C14orf39: variants seen among roughly 807,000 people sequenced by gnomAD.
C14orf39 encodes chromosome 14 open reading frame 39.
C14orf39 carries 66 observed loss-of-function variants against 85.6 expected under a neutral mutation model. The ratio of observed to expected loss-of-function variants is 0.77; its 90% CI spans 0.63 to 0.95. The LOEUF is 0.95. Among genes scored for constraint, C14orf39 ranks in the 40% least tolerant of loss-of-function variants. The pLI, the probability that C14orf39 is intolerant of heterozygous loss-of-function variation, is 0.00. For synonymous variants in C14orf39, 242 were observed against 214.0 expected, an observed-to-expected ratio of 1.13 and a Z score of -1.14; for missense variants, 735 against 663.9, an observed-to-expected ratio of 1.11 and a Z score of -1.18.
intron 5 of C14orf39, among the ~76,000 whole-genome samples, chr14:60,476,070 A>G (rs1892362977): frequency 6.6e-6 from 1 of 152,172 alleles, no homozygotes; most frequent in African/African-American, 2.4e-5. Context: ...ATTTCTGAAT[A>G]TTACTAAACT....
intron 1 of C14orf39, among the ~76,000 whole-genome samples, chr14:60,508,106 C>T (rs1040677816): frequency 6.6e-5 from 10 of 152,086 alleles, no homozygotes; most frequent in Non-Finnish European, 1.2e-4. Context: ...CTTTCTGGGC[C>T]CCCGCATTGT....
intron 5 of C14orf39, 24 bp from the exon 6 acceptor site, chr14:60,471,763 G>C (rs1004923058): frequency 1.5e-6 from 2 of 1,363,194 alleles, no homozygotes; most frequent in African/African-American, 2.9e-5. Context: ...AAGAAATGAT[G>C]TTTATATAAC....
chr14:60,472,168 A>C (rs2140124848), intron 5 of C14orf39, among the ~76,000 whole-genome samples: 1 of 152,046 alleles, frequency 6.6e-6, no homozygotes, highest in South Asian at 2.1e-4. Context: ...TACTTCTAAA[A>C]CCATATCTTT....
intron 5 of C14orf39, among the ~76,000 whole-genome samples, chr14:60,476,322 G>C (rs1224840803): frequency 1.3e-5 from 2 of 152,090 alleles, no homozygotes; most frequent in Non-Finnish European, 2.9e-5. Context: ...TAGAAACTCT[G>C]GCAGAGCCTA....
intron 2 of C14orf39, chr14:60,495,848 C>A: frequency 3.4e-6 from 1 of 294,370 alleles, no homozygotes; most frequent in East Asian, 8.0e-5. Flanking sequence ...TTCCTTTTCC[C>A]TTTCTTGGAA....
chr14:60,504,191 T>C (rs897163905), intron 1 of C14orf39, among the ~76,000 whole-genome samples: 3 of 152,360 alleles, frequency 2.0e-5, no homozygotes, highest in South Asian at 2.1e-4. Flanking sequence ...GTCATGTGAC[T>C]GTATTTTTTA....
At chr14:60,452,080 G>A (rs1473219509) in intron 16 of C14orf39, among the ~76,000 whole-genome samples, 2 of 150,830 alleles carry the variant, frequency 1.3e-5, no homozygotes, top group African/African-American at 2.4e-5. Flanking sequence ...CCAGCTACTC[G>A]GGAGGATGAG....
intron 5 of C14orf39, among the ~76,000 whole-genome samples, chr14:60,473,755 G>A (rs1178779185): frequency 6.6e-6 from 1 of 152,048 alleles, no homozygotes; most frequent in Non-Finnish European, 1.5e-5. Context: ...CTGTTCCATT[G>A]GTCTGTATCT....
intron 5 of C14orf39, among the ~76,000 whole-genome samples, chr14:60,472,940 A>G (rs1892173360): frequency 6.6e-6 from 1 of 152,212 alleles, no homozygotes; most frequent in African/African-American, 2.4e-5. Context: ...TGGCTGGGTC[A>G]AACGGTAATT....
chr14:60,515,533 G>C lies in C14orf39; in HGVS notation c.-282C>G, dbSNP rs1893354281. 6.6e-6 allele frequency: 1 copy of C among 151,650 alleles called. No individual in the cohort carries two copies. 9.4% of individuals were successfully genotyped at this position (151,650 alleles called of 1,614,324 possible). A position where few individuals can be genotyped will look rare whatever the true frequency, so the allele number is the denominator to read the frequency against. On this transcript the variant is annotated 5_prime_UTR_variant, in exon 1 of 6. Coordinates refer to the C14orf39 transcript ENST00000556799. The surrounding 1 kb of genome is among the most constrained non-coding windows in gnomAD (Gnocchi z 6.2). The stretch of plus-strand genomic sequence containing the variant: ...CGAGACGGGGTTCAATTTAAACCTA[G>C]GTGGGAGAATGAGCCCACAAGCGCG...
chr14:60,474,377 T>C (rs1892261943), intron 5 of C14orf39, among the ~76,000 whole-genome samples: 1 of 120,750 alleles, frequency 8.3e-6, no homozygotes, highest in South Asian at 2.8e-4. Flanking sequence ...CTTTTCCTAA[T>C]TGAATACCAT....
intron 1 of C14orf39, among the ~76,000 whole-genome samples, chr14:60,505,064 T>C (rs1260868045): frequency 5.3e-5 from 8 of 152,226 alleles, no homozygotes; most frequent in Admixed American, 5.2e-4. Flanking sequence ...CTCTTAAAAT[T>C]AGGTCAATAT....
Position 60,479,260 on chromosome 14 carries a change from T to C in C14orf39, c.234-871A>G, listed in dbSNP as rs1022559214. Among the ~76,000 whole-genome samples, 3 of 152,310 alleles carry C rather than the reference T, an allele frequency of 2.0e-5. No homozygotes were observed. The East Asian group carries it at 5.8e-4, about 29-fold the overall frequency. ...AACAGAACTTGTACTTAAATATATC[T>C]GAATTTCTGATCATTTCCTTAGAAA... is the stretch of plus-strand genomic sequence containing the variant. On this transcript the variant is annotated intron_variant, in intron 4 of 17. Coordinates refer to ENST00000321731, the MANE Select transcript of C14orf39 (RefSeq NM_174978.3).
At chr14:60,502,956 G>A (rs1893164904) in intron 1 of C14orf39, among the ~76,000 whole-genome samples, 1 of 152,232 alleles carries the variant, frequency 6.6e-6, no homozygotes, top group Non-Finnish European at 1.5e-5. Context: ...CAATTCTGTG[G>A]TCTGTAATAG....
At chr14:60,511,646 A>C in intron 1 of C14orf39, 1 of 358,972 alleles carries the variant, frequency 2.8e-6, no homozygotes, top group Non-Finnish European at 5.4e-6. Context: ...TTTTTAACAA[A>C]ACATATATAT....
intron 13 of C14orf39, 31 bp downstream of exon 13, chr14:60,461,323 T>C (rs1891514549): frequency 6.3e-7 from 1 of 1,582,156 alleles, no homozygotes; most frequent in African/African-American, 1.4e-5. Flanking sequence ...TTACCCCGAC[T>C]TCTTAGAAGA....
rs1892874731 is a variant in C14orf39, at chr14:60,485,976, A to AC, written c.-41dup. On this transcript the variant is annotated 5_prime_UTR_variant, in exon 1 of 18. Coordinates refer to ENST00000321731, the MANE Select transcript of C14orf39 (RefSeq NM_174978.3). ...AGCTCCTCTGGACCCGAACGCCCAC[A>AC]CCCTCCCTCCCTGGGGTCCCAAACT... 2 of 151,962 alleles carry AC rather than the reference A, an allele frequency of 1.3e-5. No individual in the cohort carries two copies. The highest frequency in any genetic ancestry group is 2.9e-5 in the Non-Finnish European group (2 of 68,322). 9.4% of individuals were successfully genotyped at this position (151,962 alleles called of 1,614,324 possible).
At position 60,484,799 on chromosome 14, in the gene C14orf39, T is replaced by C. The variant is rs1028693490; in HGVS notation, c.106+82A>G. The C allele has an allele frequency of 1.1e-6, 1 of 941,072 alleles. No homozygotes were observed. Among genetic ancestry groups the C allele is most frequent in the East Asian group, 2.6e-5 (1 of 39,020 alleles). The allele number at this position is 941,072 out of a possible 1,614,324, so 58.3% of individuals were successfully genotyped here. A position where few individuals can be genotyped will look rare whatever the true frequency, so the allele number is the denominator to read the frequency against. On this transcript the variant is annotated intron_variant, in intron 3 of 17. Transcript: ENST00000321731. This position sits in a 1 kb window ranked among gnomAD's most constrained non-coding sequence, Gnocchi z 4.2. ...CAAAAGTTATAACGCCAACAATAAG[T>C]TGCCCTAAACAGAGCAATTGTATGT...
upstream of C14orf39, chr14:60,486,213 C>G (rs1386282261): frequency 6.6e-6 from 1 of 152,228 alleles, no homozygotes; most frequent in Non-Finnish European, 1.5e-5. Flanking sequence ...CGGGTGGAAG[C>G]GCGGAATAAG....
Sources: allele counts gnomAD v4.1 joint callset (sites outside exome capture counted in the v4.1 genomes callset), GRCh38; gene constraint gnomAD v4.1.1; non-coding constraint Gnocchi (gnomAD v3.1); transcripts MANE v1.5; gene names NCBI Gene and HGNC (gene_info 2026-07-23, HGNC 2026-07-21).